RAD51B: variants seen among roughly 807,000 people sequenced by gnomAD.
RAD51B encodes the protein DNA repair protein RAD51 homolog 2.
Under a neutral mutation model 42.2 loss-of-function variants are expected in RAD51B, and 38 were observed. That is an observed-to-expected ratio of 0.90 (90% CI 0.70 to 1.18). The LOEUF (loss-of-function observed/expected upper bound fraction) is 1.18. Among genes scored for constraint, RAD51B ranks in the 50% most tolerant of loss-of-function variants. RAD51B has a pLI of 0.00. For synonymous variants in RAD51B, 154 were observed against 145.2 expected (o/e 1.06, Z -0.43); for missense variants, 373 against 400.7 (o/e 0.93, Z 0.59).
At chr14:67,834,736 C>G (rs971821187) in intron 3 of RAD51B, among the ~76,000 whole-genome samples, 1 of 152,142 alleles carries the variant, frequency 6.6e-6, no homozygotes, top group Non-Finnish European at 1.5e-5. Flanking sequence ...GCACGGGCAT[C>G]CAGCAATTCC....
intron 10 of RAD51B, among the ~76,000 whole-genome samples, chr14:68,542,574 C>T (rs1230726573): frequency 6.6e-6 from 1 of 152,186 alleles, no homozygotes; most frequent in Non-Finnish European, 1.5e-5. Context: ...CTGCAATGTG[C>T]AGGTCCTAAT....
intron 7 of RAD51B, among the ~76,000 whole-genome samples, chr14:68,118,568 T>G (rs2077589267): frequency 6.6e-6 from 1 of 152,238 alleles, no homozygotes; most frequent in Non-Finnish European, 1.5e-5. Context: ...GTACCAAATT[T>G]ATGCAGATTG....
At chr14:67,898,086 G>A (rs915461072) in intron 7 of RAD51B, among the ~76,000 whole-genome samples, 3 of 152,124 alleles carry the variant, frequency 2.0e-5, no homozygotes, top group African/African-American at 7.2e-5. Flanking sequence ...ATATCCAAAG[G>A]AATTAAAATC....
chr14:68,050,054 G>A (rs1005370787), intron 7 of RAD51B, among the ~76,000 whole-genome samples: 14 of 151,968 alleles, frequency 9.2e-5, no homozygotes, highest in African/African-American at 3.4e-4. Flanking sequence ...CTAATCTTAA[G>A]TTCTATTTTT....
intron 10 of RAD51B, among the ~76,000 whole-genome samples, chr14:68,498,059 C>G (rs1286142871): frequency 6.6e-6 from 1 of 152,130 alleles, no homozygotes; most frequent in African/African-American, 2.4e-5. Flanking sequence ...TATGGTGATT[C>G]TATGTTTAAC....
intron 10 of RAD51B, among the ~76,000 whole-genome samples, chr14:68,544,623 G>T (rs1888129198): frequency 6.6e-6 from 1 of 152,180 alleles, no homozygotes; most frequent in Admixed American, 6.5e-5. Flanking sequence ...GCTCAGGTCA[G>T]GGGTGGGGTG....
intron 7 of RAD51B, among the ~76,000 whole-genome samples, chr14:68,250,318 G>A (rs1406116660): frequency 2.0e-5 from 3 of 152,100 alleles, no homozygotes; most frequent in African/African-American, 7.2e-5. Context: ...ATTTTTATGT[G>A]GATCTTCACT....
chr14:68,017,285 T>A (rs937705552), intron 7 of RAD51B, among the ~76,000 whole-genome samples: 2 of 152,106 alleles, frequency 1.3e-5, no homozygotes, highest in Non-Finnish European at 2.9e-5. Context: ...ATCCTCCACC[T>A]CCTAGGTTCA....
intron 7 of RAD51B, among the ~76,000 whole-genome samples, chr14:67,967,429 G>A (rs535982888): frequency 6.6e-6 from 1 of 152,144 alleles, no homozygotes; most frequent in African/African-American, 2.4e-5. Flanking sequence ...AGTGTCATCT[G>A]AGACAAGGCA....
At chr14:68,387,228 A>G (rs1301569235) in intron 8 of RAD51B, 1 of 152,220 alleles carries the variant, frequency 6.6e-6, no homozygotes, top group Non-Finnish European at 1.5e-5. Flanking sequence ...AATTTCTTTT[A>G]CATTGCAGCA....
intron 8 of RAD51B, among the ~76,000 whole-genome samples, chr14:68,307,552 A>G (rs2081892702): frequency 6.6e-6 from 1 of 152,154 alleles, no homozygotes; most frequent in South Asian, 2.1e-4. Context: ...TATATGTGGG[A>G]AGCCTGTACT....
At chr14:68,635,627 T>A (rs1892325392) in intron 10 of RAD51B, among the ~76,000 whole-genome samples, 1 of 152,178 alleles carries the variant, frequency 6.6e-6, no homozygotes, top group Non-Finnish European at 1.5e-5. Flanking sequence ...GTTACCAATA[T>A]AAAAATTATT....
intron 7 of RAD51B, among the ~76,000 whole-genome samples, chr14:68,051,290 C>G (rs1372694967): frequency 3.3e-5 from 5 of 152,052 alleles, no homozygotes; most frequent in African/African-American, 1.2e-4. Flanking sequence ...TTTCTTGGCA[C>G]TACTAAATTA....
chr14:68,383,306 C>T (rs1024048385), intron 8 of RAD51B, among the ~76,000 whole-genome samples: 2 of 152,158 alleles, frequency 1.3e-5, no homozygotes, highest in East Asian at 3.8e-4. Context: ...GGGTACTTTG[C>T]CCCCAGAGGA....
chr14:68,334,046 C>T (rs190607904), intron 8 of RAD51B, among the ~76,000 whole-genome samples: 11 of 152,036 alleles, frequency 7.2e-5, no homozygotes, highest in East Asian at 3.9e-4. Flanking sequence ...TTTCTGTGCC[C>T]GGCTTATTTC....
At chr14:67,924,137 C>T (rs930592021) in intron 7 of RAD51B, among the ~76,000 whole-genome samples, 7 of 152,036 alleles carry the variant, frequency 4.6e-5, no homozygotes, top group African/African-American at 7.2e-5. Context: ...AGTCCTTTGT[C>T]GGATGCATAG....
chr14:67,868,518 C>T (rs770424438), intron 5 of RAD51B, among the ~76,000 whole-genome samples: 16 of 152,206 alleles, frequency 1.1e-4, no homozygotes, highest in Non-Finnish European at 1.9e-4. Flanking sequence ...GAGGGGCACC[C>T]GCCATTGCCC....
At chr14:68,170,848 T>A (rs1447120331) in intron 7 of RAD51B, among the ~76,000 whole-genome samples, 1 of 152,252 alleles carries the variant, frequency 6.6e-6, no homozygotes, top group Non-Finnish European at 1.5e-5. Context: ...TATACAACTT[T>A]TTATTCTCAT....
intron 7 of RAD51B, among the ~76,000 whole-genome samples, chr14:68,237,020 C>T (rs1199310760): frequency 2.0e-5 from 3 of 152,214 alleles, no homozygotes; most frequent in Non-Finnish European, 4.4e-5. Context: ...AACCAGCTGA[C>T]ACATTCTGCC....
Sources: gnomAD v4.1 joint callset for allele counts (sites outside exome capture counted in the v4.1 genomes callset) on GRCh38, gnomAD v4.1.1 for gene constraint, MANE v1.5 for transcripts, NCBI Gene and HGNC (gene_info 2026-07-23, HGNC 2026-07-21) for gene names.